Variants in FOXB1 observed in about 807,000 individuals in gnomAD.
FOXB1 encodes the protein forkhead box B1, also known as forkhead box protein B1.
A neutral mutation model predicts 18.6 loss-of-function variants in FOXB1; 6 were observed. The observed-to-expected ratio is 0.32, with a 90% CI of 0.18 to 0.64. The LOEUF is 0.64. FOXB1 is among the 30% of genes least tolerant of loss of function. The pLI, the probability that FOXB1 is intolerant of heterozygous loss-of-function variation, is 0.78. For missense variants in FOXB1, 419 were observed against 463.6 expected (o/e 0.90, Z 0.88); for synonymous variants, 213 against 216.0 (o/e 0.99, Z 0.12).
rs761105393 is a variant in FOXB1 at position 60,005,179 on chromosome 15, C to A, written c.216C>A (p.Ile72=). 1.9e-6 allele frequency: 3 copies of A among 1,614,242 alleles called. No individual in the cohort carries two copies. Among genetic ancestry groups the A allele is most frequent in the East Asian group, 2.2e-5 (1 of 44,874 alleles). Residue 72 remains isoleucine, a synonymous_variant, in exon 2 of 2, where the codon ATC becomes ATA. Coordinates refer to ENST00000396057, the MANE Select transcript of FOXB1 (RefSeq NM_012182.3). The surrounding 1 kb of genome is among the most constrained non-coding windows in gnomAD (Gnocchi z 9.8). The stretch of plus-strand genomic sequence containing the variant: ...ACCTCTCCTTCAACGACTGCTTCAT[C>A]AAGATCCCGCGGCGGCCGGACCAGC... ...RHNLSFNDCF[I]KIPRRPDQPG...
chr15:60,006,099 C>T lies in FOXB1; in HGVS notation c.*158C>T, dbSNP rs1251749501. ...TGCCCCAAGAGAACTTTGTTTTGGA[C>T]CCAGGAGACCAAACACAAACTTGCA... On this transcript the variant is annotated 3_prime_UTR_variant, in exon 2 of 2. Transcript: ENST00000396057. The T allele has an allele frequency of 2.1e-6, 2 of 947,846 alleles. No individual in the cohort carries two copies. Among genetic ancestry groups the T allele is most frequent in the African/African-American group, 1.7e-5 (1 of 58,242 alleles). The allele number at this position is 947,846 out of a possible 1,614,324, so 58.7% of individuals were successfully genotyped here. A position where few individuals can be genotyped will look rare whatever the true frequency, so the allele number is the denominator to read the frequency against.
chr15:60,005,979 A>G lies in FOXB1; in HGVS notation c.*38A>G. ...CACGCCCCCTCTCGTTCTCCTCCCC[A>G]CCACCTCACTCGCCTTCCCTGGCTC... On this transcript the variant is annotated 3_prime_UTR_variant, in exon 2 of 2. Coordinates refer to ENST00000396057, the MANE Select transcript of FOXB1 (RefSeq NM_012182.3). This position sits in a 1 kb window ranked among gnomAD's most constrained non-coding sequence, Gnocchi z 9.8. 6.6e-7 allele frequency: 1 copy of G among 1,524,516 alleles called. No homozygotes were observed. The highest frequency in any genetic ancestry group is 8.8e-7 in the Non-Finnish European group (1 of 1,139,336). 94.4% of individuals were successfully genotyped at this position (1,524,516 alleles called of 1,614,324 possible).
At position 60,005,205 on chromosome 15, in the gene FOXB1, C is replaced by G. The variant is rs764570332; in HGVS notation, c.242C>G (p.Pro81Arg). ...FIKIPRRPDQPGKGSFWALHP... is the reference protein window; with the variant it reads ...FIKIPRRPDQRGKGSFWALHP... ...AAGATCCCGCGGCGGCCGGACCAGCCAGGCAAGGGCAGCTTCTGGGCGCTG... is the reference window on the plus strand; with the variant it reads ...AAGATCCCGCGGCGGCCGGACCAGCGAGGCAAGGGCAGCTTCTGGGCGCTG... The change falls in exon 2 of 2, where the codon CCA becomes CGA. Residue 81 changes from proline to arginine, a missense_variant. Physicochemically the swap from Pro to Arg is moderately radical, Grantham distance 103. Around this residue, in one of 3 missense-constraint regions of FOXB1, gnomAD observed 153 missense variants for 173.8 expected, o/e 0.88. Transcript: ENST00000396057. This position sits in a 1 kb window ranked among gnomAD's most constrained non-coding sequence, Gnocchi z 9.8. 1.2e-6 allele frequency: 2 copies of G among 1,614,194 alleles called. No homozygotes were observed. The highest frequency in any genetic ancestry group is 1.3e-5 in the African/African-American group (1 of 75,066).
chr15:60,005,589 G>A lies in FOXB1; in HGVS notation c.626G>A (p.Ser209Asn). Residue 209 changes from serine to asparagine, a missense_variant, in exon 2 of 2, where the codon AGC (serine) becomes AAC (asparagine). Around this residue, in one of 3 missense-constraint regions of FOXB1, gnomAD observed 195 missense variants for 179.8 expected, o/e 1.08. Coordinates refer to ENST00000396057, the MANE Select transcript of FOXB1 (RefSeq NM_012182.3). This position sits in a 1 kb window ranked among gnomAD's most constrained non-coding sequence, Gnocchi z 9.8. ...PLPNQLTTMG[S>N]SLGTGWPHVY... ...CCCAACCAGTTGACTACCATGGGCAGCTCGCTGGGCACCGGCTGGCCACAC... is the reference window on the plus strand; with the variant it reads ...CCCAACCAGTTGACTACCATGGGCAACTCGCTGGGCACCGGCTGGCCACAC... 2 of 1,607,842 alleles carry A rather than the reference G, an allele frequency of 1.2e-6. No individual in the cohort carries two copies. Among genetic ancestry groups the A allele is most frequent in the Non-Finnish European group, 1.7e-6 (2 of 1,178,034 alleles).
rs1892097293 is a variant in FOXB1, at chr15:60,006,309, C to A, written c.*368C>A. 2 of 306,942 alleles carry A rather than the reference C, an allele frequency of 6.5e-6. No homozygotes were observed. The highest frequency in any genetic ancestry group is 1.2e-5 in the Non-Finnish European group (2 of 167,312). The allele number at this position is 306,942 out of a possible 1,614,324, so 19.0% of individuals were successfully genotyped here. A position where few individuals can be genotyped will look rare whatever the true frequency, so the allele number is the denominator to read the frequency against. On this transcript the variant is annotated 3_prime_UTR_variant, in exon 2 of 2. Transcript: ENST00000396057. Reference sequence around the variant, plus strand: ...TTCCCTCCGCCCAGATCGGCGGAGCCCCGAACTCTGCGCAGTTTCAAGACT... The same window carrying A: ...TTCCCTCCGCCCAGATCGGCGGAGCACCGAACTCTGCGCAGTTTCAAGACT...
rs749552909 is a variant in FOXB1 at position 60,004,930 on chromosome 15, G to A, written c.-34G>A. 31 of 1,584,472 alleles carry A rather than the reference G, an allele frequency of 2.0e-5. No individual in the cohort carries two copies. The highest frequency in any genetic ancestry group is 2.7e-5 in the Non-Finnish European group (31 of 1,165,044). On this transcript the variant is annotated 5_prime_UTR_variant, in exon 2 of 2. Transcript: ENST00000396057. ...AGATCCGAGCAGTCCGCCGGCCCGC[G>A]CGGACCCAGAGCAAGAAGAGGGCGA... is the stretch of plus-strand genomic sequence containing the variant.
chr15:60,005,774 C>T lies in FOXB1; in HGVS notation c.811C>T (p.Pro271Ser). Residue 271 changes from proline to serine, a missense_variant, in exon 2 of 2, where the codon CCC becomes TCC. Coordinates refer to ENST00000396057, the MANE Select transcript of FOXB1 (RefSeq NM_012182.3). The surrounding 1 kb of genome is among the most constrained non-coding windows in gnomAD (Gnocchi z 9.8). ...CATTAAGCCCACGCCGGCCGCCGTG[C>T]CCGCGCTGCCTGCGCTGCCAGCGCC... ...VPIKPTPAAV[P>S]ALPALPAPIP... The T allele has an allele frequency of 6.2e-7, 1 of 1,602,434 alleles. No individual in the cohort carries two copies. The highest frequency in any genetic ancestry group is 1.1e-5 in the South Asian group (1 of 90,422).
rs770521986 is a variant in FOXB1, at chr15:60,005,441, G to A, written c.478G>A (p.Val160Met). 6 of 1,610,580 alleles carry A rather than the reference G, an allele frequency of 3.7e-6. No homozygotes were observed. In the Admixed American group the frequency reaches 6.7e-5, roughly 18 times the overall value. The change falls in exon 2 of 2, where the codon GTG (valine) becomes ATG (methionine). Residue 160 changes from valine to methionine, a missense_variant. Around this residue, in one of 3 missense-constraint regions of FOXB1, gnomAD observed 71 missense variants for 110.0 expected, o/e 0.65. Coordinates refer to ENST00000396057, the MANE Select transcript of FOXB1 (RefSeq NM_012182.3). This position sits in a 1 kb window ranked among gnomAD's most constrained non-coding sequence, Gnocchi z 9.8. The part of the protein sequence containing the change: ...MPAAAYNLGG[V>M]AQPSGFKHPF... The stretch of plus-strand genomic sequence containing the variant: ...CGCCGCCGCCTACAACTTGGGCGGC[G>A]TGGCGCAGCCCTCGGGCTTCAAGCA...
chr15:60,004,937 C>G lies in FOXB1; in HGVS notation c.-27C>G. ...AGCAGTCCGCCGGCCCGCGCGGACC[C>G]AGAGCAAGAAGAGGGCGAGGAAGAA... is the stretch of plus-strand genomic sequence containing the variant. On this transcript the variant is annotated 5_prime_UTR_variant, in exon 2 of 2. Transcript: ENST00000396057. 1 of 1,594,742 alleles carries G rather than the reference C, an allele frequency of 6.3e-7. No homozygotes were observed. The highest frequency in any genetic ancestry group is 2.2e-5 in the East Asian group (1 of 44,672).
At position 60,005,194 on chromosome 15, in the gene FOXB1, G is replaced by C. The variant is rs1337917993; in HGVS notation, c.231G>C (p.Arg77=). ...ACTGCTTCATCAAGATCCCGCGGCG[G>C]CCGGACCAGCCAGGCAAGGGCAGCT... ...FNDCFIKIPR[R]PDQPGKGSFW... is the part of the protein sequence containing the mutation. The change falls in exon 2 of 2, where the codon CGG becomes CGC. Residue 77 remains arginine (R), a synonymous_variant. Coordinates refer to ENST00000396057, the MANE Select transcript of FOXB1 (RefSeq NM_012182.3). This position sits in a 1 kb window ranked among gnomAD's most constrained non-coding sequence, Gnocchi z 9.8. The C allele has an allele frequency of 6.2e-7, 1 of 1,614,100 alleles. No individual in the cohort carries two copies. Among genetic ancestry groups the C allele is most frequent in the African/African-American group, 1.3e-5 (1 of 74,952 alleles).
chr15:60,005,011 C>T lies in FOXB1; in HGVS notation c.48C>T (p.Tyr16=), dbSNP rs148810311. 130 of 1,614,082 alleles carry T rather than the reference C, an allele frequency of 8.1e-5. No homozygotes were observed. The African/African-American group carries it at 1.4e-3, about 18-fold the overall frequency. ...CGTACAGCGACCAGAAGCCGCCCTA[C>T]TCGTACATCTCGCTGACCGCTATGG... ...RNTYSDQKPP[Y]SYISLTAMAI... is the part of the protein sequence containing the mutation. The change falls in exon 2 of 2, where the codon TAC becomes TAT. Residue 16 remains tyrosine (Y), a synonymous_variant. Transcript: ENST00000396057. The surrounding 1 kb of genome is among the most constrained non-coding windows in gnomAD (Gnocchi z 9.8).
At position 60,004,537 on chromosome 15, in the gene FOXB1, G is replaced by C. The variant is rs2142155526; in HGVS notation, c.-164G>C. On this transcript the variant is annotated 5_prime_UTR_variant, in exon 1 of 2. Coordinates refer to ENST00000396057, the MANE Select transcript of FOXB1 (RefSeq NM_012182.3). ...GCCCAGGTTCGCGCCGAGTCCAACC[G>C]GACCCGGACGCTGCGCGCGGAGTGC... 1 of 159,496 alleles carries C rather than the reference G, an allele frequency of 6.3e-6. No homozygotes were observed. Among genetic ancestry groups the C allele is most frequent in the East Asian group, 1.9e-4 (1 of 5,238 alleles). 9.9% of individuals were successfully genotyped at this position (159,496 alleles called of 1,614,324 possible).
rs966047063 is a variant in FOXB1, at chr15:60,005,543, G to A, written c.580G>A (p.Val194Met). 6 of 1,609,674 alleles carry A rather than the reference G, an allele frequency of 3.7e-6. No homozygotes were observed. The highest frequency in any genetic ancestry group is 5.1e-6 in the Non-Finnish European group (6 of 1,178,836). ...GGLAFSAMQP[V>M]PAAYPLPNQL... ...GCTGGCCTTCTCCGCCATGCAGCCG[G>A]TGCCCGCTGCCTACCCGCTCCCCAA... Residue 194 changes from valine (V) to methionine (M), a missense_variant, in exon 2 of 2, where the codon GTG becomes ATG. Transcript: ENST00000396057. This position sits in a 1 kb window ranked among gnomAD's most constrained non-coding sequence, Gnocchi z 9.8.
In FOXB1 at chr15:60,004,948, G is replaced by A; in HGVS notation, c.-16G>A. ...GGCCCGCGCGGACCCAGAGCAAGAAGAGGGCGAGGAAGAAGATGCCTCGGC... is the reference window on the plus strand; with the variant it reads ...GGCCCGCGCGGACCCAGAGCAAGAAAAGGGCGAGGAAGAAGATGCCTCGGC... On this transcript the variant is annotated 5_prime_UTR_variant, in exon 2 of 2. Coordinates refer to ENST00000396057, the MANE Select transcript of FOXB1 (RefSeq NM_012182.3). The A allele has an allele frequency of 6.2e-7, 1 of 1,602,600 alleles. No homozygotes were observed. Among genetic ancestry groups the A allele is most frequent in the South Asian group, 1.1e-5 (1 of 89,358 alleles).
chr15:60,004,802 C>CTGGGG, intron 1 of FOXB1, 105 bp from the exon 2 acceptor site: 2 of 337,666 alleles, frequency 5.9e-6, no homozygotes, highest in Non-Finnish European at 5.6e-6. Flanking sequence ...TCGAGCGCCG[C>CTGGGG]AGGCCCCACC....
At position 60,005,665 on chromosome 15, in the gene FOXB1, G is replaced by C; in HGVS notation, c.702G>C (p.Ala234=). ...ACTCGGCCACCCCCATCTCCATGGC[G>C]AGTGGCGACTACAGCGCCTACGGCG... The part of the protein sequence containing the change: ...MIDSATPISM[A]SGDYSAYGVP... Residue 234 remains alanine, a synonymous_variant, in exon 2 of 2, where the codon GCG becomes GCC. Coordinates refer to ENST00000396057, the MANE Select transcript of FOXB1 (RefSeq NM_012182.3). The surrounding 1 kb of genome is among the most constrained non-coding windows in gnomAD (Gnocchi z 9.8). 1 of 1,608,050 alleles carries C rather than the reference G, an allele frequency of 6.2e-7. No individual in the cohort carries two copies. Among genetic ancestry groups the C allele is most frequent in the Non-Finnish European group, 8.5e-7 (1 of 1,179,052 alleles).
rs921939886 is a variant in FOXB1 at position 60,004,444 on chromosome 15, C to G, written c.-257C>G. 3.3e-5 allele frequency: 5 copies of G among 152,196 alleles called. No homozygotes were observed. The highest frequency in any genetic ancestry group is 3.4e-3 in the Middle Eastern group (1 of 298). 9.4% of individuals were successfully genotyped at this position (152,196 alleles called of 1,614,324 possible). A position where few individuals can be genotyped will look rare whatever the true frequency, so the allele number is the denominator to read the frequency against. On this transcript the variant is annotated 5_prime_UTR_variant, in exon 1 of 2. Transcript: ENST00000396057. ...CCGGGACTCCGCAGCCGAGCTCGGC[C>G]GCCCGCAGGACGCTCCAGGAGCGTC...
chr15:60,005,868 A>G lies in FOXB1; in HGVS notation c.905A>G (p.Gln302Arg). ...SPTSSQTATS[Q>R]SSPATPSETL... ...ACGTCCTCGCAAACAGCCACCAGCC[A>G]AAGCAGCCCCGCCACCCCCAGCGAA... Residue 302 changes from glutamine (Q) to arginine (R), a missense_variant, in exon 2 of 2, where the codon CAA becomes CGA. Physicochemically the swap from Gln to Arg is conservative, Grantham distance 43. Transcript: ENST00000396057. The surrounding 1 kb of genome is among the most constrained non-coding windows in gnomAD (Gnocchi z 9.8). 1.0e-5 allele frequency: 16 copies of G among 1,599,102 alleles called. No individual in the cohort carries two copies. Among genetic ancestry groups the G allele is most frequent in the Non-Finnish European group, 1.4e-5 (16 of 1,174,318 alleles).
At position 60,005,193 on chromosome 15, in the gene FOXB1, G is replaced by T. The variant is rs1316742090; in HGVS notation, c.230G>T (p.Arg77Leu). The change falls in exon 2 of 2, where the codon CGG (arginine) becomes CTG (leucine). Residue 77 changes from arginine to leucine, a missense_variant. Physicochemically the swap from Arg to Leu is moderately radical, Grantham distance 102. This residue lies in a region of FOXB1 where 153 missense variants were observed against 173.8 expected (regional missense o/e 0.88). Coordinates refer to ENST00000396057, the MANE Select transcript of FOXB1 (RefSeq NM_012182.3). This position sits in a 1 kb window ranked among gnomAD's most constrained non-coding sequence, Gnocchi z 9.8. ...GACTGCTTCATCAAGATCCCGCGGCGGCCGGACCAGCCAGGCAAGGGCAGC... is the reference window on the plus strand; with the variant it reads ...GACTGCTTCATCAAGATCCCGCGGCTGCCGGACCAGCCAGGCAAGGGCAGC... Reference protein sequence around the residue: ...FNDCFIKIPRRPDQPGKGSFW... With the variant: ...FNDCFIKIPRLPDQPGKGSFW... The T allele has an allele frequency of 6.2e-7, 1 of 1,614,204 alleles. No individual in the cohort carries two copies. Among genetic ancestry groups the T allele is most frequent in the Non-Finnish European group, 8.5e-7 (1 of 1,180,038 alleles).
Sources: gnomAD v4.1 joint callset for allele counts on GRCh38, gnomAD v4.1.1 for gene constraint, gnomAD v4.1.1 regional missense constraint, Gnocchi (gnomAD v3.1) non-coding constraint, MANE v1.5 for transcripts, NCBI Gene and HGNC (gene_info 2026-07-23, HGNC 2026-07-21) for gene names.